KCNMA1: variants seen among roughly 807,000 people sequenced by gnomAD.
KCNMA1 encodes potassium calcium-activated channel subfamily M alpha 1.
In KCNMA1, 29 loss-of-function variants were observed where a neutral mutation model predicts 140.0. The ratio of observed to expected loss-of-function variants is 0.21; its 90% CI spans 0.15 to 0.28. KCNMA1 has a LOEUF of 0.28. KCNMA1 is among the 10% of genes least tolerant of loss of function. KCNMA1 has a pLI of 1.00. For missense variants in KCNMA1, 880 were observed against 1,602.2 expected, an observed-to-expected ratio of 0.55 and a Z score of 7.70; for synonymous variants, 612 against 611.9, an observed-to-expected ratio of 1.00 and a Z score of 0.00.
At chr10:77,287,517 A>G (rs190820446) in intron 2 of KCNMA1, among the ~76,000 whole-genome samples, 11 of 152,204 alleles carry the variant, frequency 7.2e-5, no homozygotes, top group Non-Finnish European at 1.0e-4. Flanking sequence ...TTGACTATAG[A>G]GCATTCATAT....
chr10:77,541,625 C>T (rs2060205917), intron 1 of KCNMA1, among the ~76,000 whole-genome samples: 1 of 152,062 alleles, frequency 6.6e-6, no homozygotes, highest in South Asian at 2.1e-4. Flanking sequence ...GTAGAAAGTA[C>T]ATGTTCCAAA....
chr10:77,590,640 T>C (rs1372931613), intron 1 of KCNMA1, among the ~76,000 whole-genome samples: 3 of 152,230 alleles, frequency 2.0e-5, no homozygotes, highest in Admixed American at 1.3e-4. Flanking sequence ...GCTCCCACAG[T>C]GCAGCAGCGG....
At chr10:77,024,151 A>T (rs1381615486) in intron 16 of KCNMA1, among the ~76,000 whole-genome samples, 2 of 152,178 alleles carry the variant, frequency 1.3e-5, no homozygotes, top group Non-Finnish European at 2.9e-5. Context: ...ACTTAGGACA[A>T]GTCATGCCTA....
intron 23 of KCNMA1, among the ~76,000 whole-genome samples, chr10:76,931,967 T>C (rs2059403549): frequency 6.6e-6 from 1 of 152,106 alleles, no homozygotes; most frequent in African/African-American, 2.4e-5. Context: ...AATCTGGGAG[T>C]AGGAGGGGAT....
intron 2 of KCNMA1, among the ~76,000 whole-genome samples, chr10:77,298,215 C>A (rs2075694949): frequency 6.6e-6 from 1 of 152,110 alleles, no homozygotes; most frequent in African/African-American, 2.4e-5. Context: ...CTACCTGAAC[C>A]TTCAGAAATA....
At position 77,523,203 on chromosome 10, in the gene KCNMA1, G is replaced by GCCCCC. The variant is rs10623337; in HGVS notation, c.378+114057_378+114061dup. Among the ~76,000 whole-genome samples, 11 of 142,640 alleles carry GCCCCC rather than the reference G, an allele frequency of 7.7e-5. No homozygotes were observed. In the East Asian group the frequency reaches 9.5e-4, roughly 12 times the overall value. The allele number at this position is 142,640 out of a possible 152,430, so 93.6% of individuals were successfully genotyped here. On this transcript the variant is annotated intron_variant, in intron 1 of 27. Coordinates refer to ENST00000286628, the MANE Select transcript of KCNMA1 (RefSeq NM_001161352.2). Reference sequence around the variant, plus strand: ...CTATGTCTTACTCAACCTTGGACGTGCCCCCCCCCCTTGCAATCACACCAC... The same window carrying GCCCCC: ...CTATGTCTTACTCAACCTTGGACGTGCCCCCCCCCCCCCCCTTGCAATCACACCAC...
intron 1 of KCNMA1, among the ~76,000 whole-genome samples, chr10:77,407,284 C>T (rs189079229): frequency 6.6e-6 from 1 of 152,192 alleles, no homozygotes. Context: ...AGGAAGAGGC[C>T]CCTCTCTCCA....
chr10:77,215,042 A>G (rs10762752), intron 3 of KCNMA1, among the ~76,000 whole-genome samples: 65,205 of 151,934 alleles, frequency 0.43, 15,466 homozygotes, highest in African/African-American at 0.64. Flanking sequence ...CTTCTCTTTC[A>G]GGTGTCACAG....
At chr10:76,974,595 A>G (rs1309995961) in intron 19 of KCNMA1, 2 of 1,459,728 alleles carry the variant, frequency 1.4e-6, no homozygotes, top group Non-Finnish European at 1.9e-6. Context: ...TAAGGAGAAA[A>G]GAAAATGGAA....
chr10:77,110,458 C>A, intron 7 of KCNMA1, 115 bp from the exon 8 acceptor site: 1 of 871,256 alleles, frequency 1.1e-6, no homozygotes, highest in Non-Finnish European at 2.0e-6. Context: ...ACACCACTCT[C>A]CACACGAGAT....
At chr10:77,407,660 C>T (rs1360608440) in intron 1 of KCNMA1, among the ~76,000 whole-genome samples, 2 of 152,212 alleles carry the variant, frequency 1.3e-5, no homozygotes, top group Non-Finnish European at 2.9e-5. Flanking sequence ...AACTTCCAAG[C>T]TGATGGCTGT....
intron 1 of KCNMA1, among the ~76,000 whole-genome samples, chr10:77,519,557 C>T (rs816846): frequency 0.34 from 51,901 of 151,844 alleles, 12,398 homozygotes; most frequent in African/African-American, 0.64. Flanking sequence ...CCTGGATAAT[C>T]GAGGGAAGAC....
intron 21 of KCNMA1, among the ~76,000 whole-genome samples, chr10:76,951,753 T>C (rs797011930): frequency 9.8e-5 from 15 of 152,314 alleles, no homozygotes; most frequent in African/African-American, 3.6e-4. Context: ...CCTACAATGC[T>C]GCTTTACTTT....
At chr10:76,947,992 G>GT (rs756053830) in intron 22 of KCNMA1, among the ~76,000 whole-genome samples, 1 of 10,462 alleles carries the variant, frequency 9.6e-5, no homozygotes, top group African/African-American at 2.2e-4. Flanking sequence ...ATGTTCCTCA[G>GT]TTGTTTCTTG....
intron 5 of KCNMA1, among the ~76,000 whole-genome samples, chr10:77,152,036 T>C (rs983516228): frequency 2.0e-5 from 3 of 152,132 alleles, no homozygotes; most frequent in African/African-American, 4.8e-5. Context: ...TAGCAGAGTA[T>C]TGTGGTTAAG....
chr10:77,204,277 G>A (rs985802542), intron 3 of KCNMA1, among the ~76,000 whole-genome samples: 5 of 152,022 alleles, frequency 3.3e-5, no homozygotes, highest in Non-Finnish European at 5.9e-5. Flanking sequence ...AAGAAGAATG[G>A]GAATGACCTT....
chr10:77,526,821 C>CCTCTCT (rs148574395), intron 1 of KCNMA1, among the ~76,000 whole-genome samples: 1 of 149,894 alleles, frequency 6.7e-6, no homozygotes, highest in Non-Finnish European at 1.5e-5. Flanking sequence ...GTTTCCTTCT[C>CCTCTCT]CTCTCTCTCT....
intron 5 of KCNMA1, among the ~76,000 whole-genome samples, chr10:77,122,617 C>T (rs1233623885): frequency 6.6e-6 from 1 of 151,888 alleles, no homozygotes; most frequent in Admixed American, 6.6e-5. Flanking sequence ...AGATCCAACC[C>T]ATGGATAAAA....
downstream of KCNMA1, among the ~76,000 whole-genome samples, chr10:76,882,504 T>C (rs1037005490): frequency 2.6e-5 from 4 of 152,118 alleles, no homozygotes; most frequent in African/African-American, 9.7e-5. Flanking sequence ...CACCCACACA[T>C]ACTACCTCCT....
Sources: allele counts gnomAD v4.1 joint callset (sites outside exome capture counted in the v4.1 genomes callset), GRCh38; gene constraint gnomAD v4.1.1; transcripts MANE v1.5; gene names NCBI Gene and HGNC (gene_info 2026-07-23, HGNC 2026-07-21).